MAML2: variants seen among roughly 807,000 people sequenced by gnomAD.
MAML2 encodes mastermind-like protein 2.
A neutral mutation model predicts 96.1 loss-of-function variants in MAML2; 22 were observed. The observed-to-expected ratio is 0.23, with a 90% CI of 0.16 to 0.33. MAML2 has a LOEUF of 0.33. Among genes scored for constraint, MAML2 ranks in the 10% least tolerant of loss-of-function variants. MAML2 has a pLI of 1.00. For missense variants in MAML2, 1,367 were observed against 1,392.4 expected, an observed-to-expected ratio of 0.98 and a Z score of 0.29; for synonymous variants, 561 against 521.3, an observed-to-expected ratio of 1.08 and a Z score of -1.04.
chr11:96,286,829 C>G (rs1352623411), intron 1 of MAML2, among the ~76,000 whole-genome samples: 3 of 152,046 alleles, frequency 2.0e-5, no homozygotes, highest in Non-Finnish European at 4.4e-5. Context: ...TATCCAGTTT[C>G]TGGGACAGAA....
At chr11:96,036,605 C>T (rs575059422) in intron 2 of MAML2, among the ~76,000 whole-genome samples, 6 of 152,138 alleles carry the variant, frequency 3.9e-5, no homozygotes, top group Non-Finnish European at 8.8e-5. Context: ...TCACTTCTTT[C>T]TTTCCTACTT....
intron 1 of MAML2, among the ~76,000 whole-genome samples, chr11:96,316,241 A>G (rs558510700): frequency 2.0e-5 from 3 of 152,384 alleles, no homozygotes; most frequent in Admixed American, 6.5e-5. Flanking sequence ...AGAAGCAACC[A>G]GTATACCCAA....
intron 2 of MAML2, among the ~76,000 whole-genome samples, chr11:96,056,417 G>A (rs564740388): frequency 9.4e-5 from 14 of 149,420 alleles, no homozygotes; most frequent in Admixed American, 6.0e-4. Flanking sequence ...GCCCAGGTTG[G>A]GAATCCAAAG....
chr11:96,338,343 G>A (rs570039676), intron 1 of MAML2, among the ~76,000 whole-genome samples: 10 of 152,358 alleles, frequency 6.6e-5, no homozygotes, highest in South Asian at 2.1e-4. Flanking sequence ...CTGCAGCAGC[G>A]GGGCTTCCCC....
At chr11:96,254,726 A>G (rs1862637390) in intron 1 of MAML2, among the ~76,000 whole-genome samples, 1 of 152,256 alleles carries the variant, frequency 6.6e-6, no homozygotes, top group South Asian at 2.1e-4. Context: ...CAGAGCAAAG[A>G]TGGGTAAGCA....
At chr11:96,243,143 A>G (rs1862459916) in intron 1 of MAML2, among the ~76,000 whole-genome samples, 1 of 151,716 alleles carries the variant, frequency 6.6e-6, no homozygotes, top group Admixed American at 6.6e-5. Flanking sequence ...ACACACACAC[A>G]CACTTGTTCC....
intron 2 of MAML2, among the ~76,000 whole-genome samples, chr11:96,028,875 A>G (rs1666360370): frequency 6.6e-6 from 1 of 152,170 alleles, no homozygotes; most frequent in Non-Finnish European, 1.5e-5. Flanking sequence ...GTAACATCCT[A>G]TATTCTTACA....
At chr11:96,077,113 T>G (rs980032664) in intron 2 of MAML2, among the ~76,000 whole-genome samples, 1 of 152,010 alleles carries the variant, frequency 6.6e-6, no homozygotes, top group Non-Finnish European at 1.5e-5. Flanking sequence ...ATAAAGTATC[T>G]TTATACAGCA....
intron 1 of MAML2, among the ~76,000 whole-genome samples, chr11:96,192,431 G>T (rs910446473): frequency 3.9e-5 from 6 of 152,138 alleles, no homozygotes; most frequent in Non-Finnish European, 8.8e-5. Context: ...AGAATGCTAG[G>T]TCAGGAGTTA....
chr11:96,259,980 A>G (rs1471386713), intron 1 of MAML2, among the ~76,000 whole-genome samples: 1 of 150,504 alleles, frequency 6.6e-6, no homozygotes, highest in South Asian at 2.1e-4. Context: ...GTCCTGTTCT[A>G]ATTTAATCAT....
At position 95,976,617 on chromosome 11, in the gene MAML2, A is replaced by T. The variant is rs1036204069; in HGVS notation, c.*2331T>A. On this transcript the variant is annotated 3_prime_UTR_variant, in exon 5 of 5. Coordinates refer to ENST00000524717, the MANE Select transcript of MAML2 (RefSeq NM_032427.4). ...ATCATGTTTTCCCAAAGAATCCTGTATTTTAATGAATAGCTGAATAAATAG... is the reference window on the plus strand; with the variant it reads ...ATCATGTTTTCCCAAAGAATCCTGTTTTTTAATGAATAGCTGAATAAATAG... 2 of 172,634 alleles carry T rather than the reference A, an allele frequency of 1.2e-5. No individual in the cohort carries two copies. The highest frequency in any genetic ancestry group is 2.5e-5 in the Non-Finnish European group (2 of 79,734). 10.7% of individuals were successfully genotyped at this position (172,634 alleles called of 1,614,324 possible). A position where few individuals can be genotyped will look rare whatever the true frequency, so the allele number is the denominator to read the frequency against.
chr11:96,145,376 T>C (rs1860800202), intron 1 of MAML2, among the ~76,000 whole-genome samples: 1 of 152,236 alleles, frequency 6.6e-6, no homozygotes, highest in African/African-American at 2.4e-5. Context: ...TCTCTATCTC[T>C]GCAAAAATCT....
intron 1 of MAML2, 51 bp from the exon 2 acceptor site, chr11:96,093,568 G>T (rs2135814066): frequency 1.6e-6 from 2 of 1,226,398 alleles, no homozygotes; most frequent in South Asian, 1.5e-5. Context: ...TGAATCCAAT[G>T]ATGCTTCTCA....
chr11:96,181,606 A>G (rs1459126122), intron 1 of MAML2, among the ~76,000 whole-genome samples: 3 of 152,170 alleles, frequency 2.0e-5, no homozygotes, highest in Non-Finnish European at 4.4e-5. Context: ...ATGCAAAAAA[A>G]TTACAGCTTT....
chr11:96,021,282 A>G (rs1350388688), intron 2 of MAML2, among the ~76,000 whole-genome samples: 1 of 152,224 alleles, frequency 6.6e-6, no homozygotes, highest in Non-Finnish European at 1.5e-5. Context: ...AACCACCAGC[A>G]TGGCCTTACT....
At chr11:96,135,150 GAGTT>G (rs1226040864) in intron 1 of MAML2, among the ~76,000 whole-genome samples, 1 of 152,186 alleles carries the variant, frequency 6.6e-6, no homozygotes, top group African/African-American at 2.4e-5. Context: ...TTGTGAGAGT[GAGTT>G]AGTTATCATG....
intron 2 of MAML2, among the ~76,000 whole-genome samples, chr11:96,059,323 A>C (rs542752729): frequency 6.6e-6 from 1 of 152,352 alleles, no homozygotes; most frequent in East Asian, 1.9e-4. Context: ...TAAGAGCTGC[A>C]TGGCCATAGG....
At chr11:96,060,972 T>C (rs561128400) in intron 2 of MAML2, among the ~76,000 whole-genome samples, 1 of 152,320 alleles carries the variant, frequency 6.6e-6, no homozygotes, top group South Asian at 2.1e-4. Context: ...GGTTTAGTGA[T>C]CTCTGGGTCT....
At chr11:96,063,333 T>C (rs181622842) in intron 2 of MAML2, among the ~76,000 whole-genome samples, 6 of 152,342 alleles carry the variant, frequency 3.9e-5, no homozygotes, top group Admixed American at 2.0e-4. Flanking sequence ...CAGTATTGGT[T>C]TTCCCAGCTA....
Sources: allele counts gnomAD v4.1 joint callset (sites outside exome capture counted in the v4.1 genomes callset), GRCh38; gene constraint gnomAD v4.1.1; transcripts MANE v1.5; gene names NCBI Gene and HGNC (gene_info 2026-07-23, HGNC 2026-07-21).